ASPSCR1: variants seen among roughly 807,000 people sequenced by gnomAD.
ASPSCR1 encodes tether containing UBX domain for GLUT4.
ASPSCR1 carries 55 observed loss-of-function variants against 68.9 expected under a neutral mutation model. The ratio of observed to expected loss-of-function variants is 0.80; its 90% CI spans 0.64 to 1.00. The LOEUF is 1.00. Ranked by LOEUF, ASPSCR1 falls within the 50% of genes least tolerant of loss-of-function variation. The pLI is 0.00. For synonymous variants in ASPSCR1, 352 were observed against 332.6 expected, an observed-to-expected ratio of 1.06 and a Z score of -0.63; for missense variants, 765 against 762.2, an observed-to-expected ratio of 1.00 and a Z score of -0.04.
At chr17:81,978,090 C>T (rs779291808) in intron 1 of ASPSCR1, 3 of 171,702 alleles carry the variant, frequency 1.7e-5, no homozygotes, top group Non-Finnish European at 3.7e-5. Context: ...ACCCGCGTTC[C>T]CATTCCGGGG....
intron 7 of ASPSCR1, chr17:82,006,926 T>C (rs1185021193): frequency 6.6e-6 from 1 of 152,336 alleles, no homozygotes; most frequent in Non-Finnish European, 1.5e-5. Context: ...TGGCTCCCCC[T>C]TCCTGGCCCC....
In ASPSCR1 at chr17:81,990,719, C is replaced by T. The variant is rs1598399078; in HGVS notation, c.375-4102C>T. ...TCATGGCCTACGGGCCCTGGGGGTACACGGCCCTCCTGGAGGCACCCGGAG... is the reference window on the plus strand; with the variant it reads ...TCATGGCCTACGGGCCCTGGGGGTATACGGCCCTCCTGGAGGCACCCGGAG... On this transcript the variant is annotated intron_variant, in intron 4 of 15. Transcript: ENST00000306739. This position sits in a 1 kb window ranked among gnomAD's most constrained non-coding sequence, Gnocchi z 4.1. 2.0e-5 allele frequency among the ~76,000 whole-genome samples: 3 copies of T among 152,156 alleles called. No homozygotes were observed. In the South Asian group the frequency reaches 6.2e-4, roughly 31 times the overall value.
rs962356559 is a variant in ASPSCR1 at position 81,977,672 on chromosome 17, G to A, written c.26G>A (p.Gly9Asp). The A allele has an allele frequency of 1.4e-5, 20 of 1,398,368 alleles. No individual in the cohort carries two copies. In the African/African-American group the frequency reaches 3.0e-4, roughly 21 times the overall value. 86.6% of individuals were successfully genotyped at this position (1,398,368 alleles called of 1,614,324 possible). Residue 9 changes from glycine (G) to aspartate (D), a missense_variant, in exon 1 of 16, where the codon GGC becomes GAC. Coordinates refer to ENST00000306739, the MANE Select transcript of ASPSCR1 (RefSeq NM_024083.4). This position sits in a 1 kb window ranked among gnomAD's most constrained non-coding sequence, Gnocchi z 5.0. MAAPAGGG[G>D]SAVSVLAPNG... Reference sequence around the variant, plus strand: ...ATGGCGGCCCCGGCAGGCGGCGGAGGCTCCGCGGTGTCGGTGCTGGCCCCG... The same window carrying A: ...ATGGCGGCCCCGGCAGGCGGCGGAGACTCCGCGGTGTCGGTGCTGGCCCCG...
In ASPSCR1 at chr17:82,012,629, A is replaced by G. The variant is rs552953973; in HGVS notation, c.1353+346A>G. Among the ~76,000 whole-genome samples the G allele has an allele frequency of 1.6e-4, 25 of 152,296 alleles. No individual in the cohort carries two copies. The East Asian group carries it at 4.2e-3, about 26-fold the overall frequency. On this transcript the variant is annotated intron_variant, in intron 12 of 15. Coordinates refer to ENST00000306739, the MANE Select transcript of ASPSCR1 (RefSeq NM_024083.4). ...GGGTCTGGGTGAGGAAGGGCCCGGC[A>G]GGCCTCGGAGCAGGGCTCAGGGAGC...
chr17:81,989,355 G>C (rs2042090554), intron 4 of ASPSCR1, among the ~76,000 whole-genome samples: 1 of 152,228 alleles, frequency 6.6e-6, no homozygotes, highest in South Asian at 2.1e-4. Flanking sequence ...TGCCTGGTGG[G>C]CTCTCTGCTG....
intron 9 of ASPSCR1, among the ~76,000 whole-genome samples, chr17:82,010,528 CAAAAAAA>C (rs1193895939): frequency 1.7e-5 from 1 of 57,184 alleles, no homozygotes; most frequent in South Asian, 5.6e-4. Context: ...GACTCCATCT[CAAAAAAA>C]AAAAAAAAAA....
intron 4 of ASPSCR1, 131 bp from the exon 5 acceptor site, chr17:81,994,690 G>A (rs2042278242): frequency 1.1e-6 from 1 of 909,820 alleles, no homozygotes; most frequent in Non-Finnish European, 1.7e-6. Flanking sequence ...GCCTGGGCCT[G>A]GGACGCTGTC....
chr17:81,993,048 G>C (rs567391056), intron 4 of ASPSCR1, among the ~76,000 whole-genome samples: 1 of 152,118 alleles, frequency 6.6e-6, no homozygotes, highest in African/African-American at 2.4e-5. Context: ...GATTGAGGAC[G>C]TGAAAAATAA....
Position 82,009,325 on chromosome 17 carries a change from C to G in ASPSCR1, c.1088+134C>G, listed in dbSNP as rs943074619. 12 of 1,402,990 alleles carry G rather than the reference C, an allele frequency of 8.6e-6. No homozygotes were observed. In the Admixed American group the frequency reaches 2.9e-4, roughly 33 times the overall value. 86.9% of individuals were successfully genotyped at this position (1,402,990 alleles called of 1,614,324 possible). On this transcript the variant is annotated intron_variant, in intron 8 of 15. Coordinates refer to ENST00000306739, the MANE Select transcript of ASPSCR1 (RefSeq NM_024083.4). ...CCTGACAGGCTGCCCTTAACAGGAC[C>G]TCAGAGGGTTGGGGCCCAGGGAGGG...
chr17:82,003,627 T>C (rs953622409), intron 7 of ASPSCR1, among the ~76,000 whole-genome samples: 2 of 152,222 alleles, frequency 1.3e-5, no homozygotes, highest in Non-Finnish European at 2.9e-5. Flanking sequence ...AGGAGGGATG[T>C]TGTGCTGAGG....
At chr17:81,991,460 G>T (rs2042160289) in intron 4 of ASPSCR1, among the ~76,000 whole-genome samples, 2 of 152,186 alleles carry the variant, frequency 1.3e-5, no homozygotes, top group African/African-American at 2.4e-5. Context: ...TGAGGACAGG[G>T]CTCTGCCAGG....
At chr17:81,980,223 C>T (rs1010161642) in intron 2 of ASPSCR1, among the ~76,000 whole-genome samples, 3 of 152,206 alleles carry the variant, frequency 2.0e-5, no homozygotes, top group Non-Finnish European at 4.4e-5. Flanking sequence ...CCTTGTGATC[C>T]GCCTGCCTTG....
chr17:81,979,357 C>A lies in ASPSCR1; in HGVS notation c.158+118C>A, dbSNP rs2143984891. 4 of 1,169,836 alleles carry A rather than the reference C, an allele frequency of 3.4e-6. No individual in the cohort carries two copies. The South Asian group carries it at 5.1e-5, about 15-fold the overall frequency. 72.5% of individuals were successfully genotyped at this position (1,169,836 alleles called of 1,614,324 possible). On this transcript the variant is annotated intron_variant, in intron 2 of 15. Transcript: ENST00000306739. ...GGTTTTAAACAGTCATATATTCCCT[C>A]CCAACTCTGGAGACCCAAGGCCTTG...
At chr17:82,008,980 G>C (rs1012125617) in intron 7 of ASPSCR1, 57 bp from the exon 8 acceptor site, 1 of 1,433,516 alleles carries the variant, frequency 7.0e-7, no homozygotes, top group African/African-American at 1.5e-5. Flanking sequence ...CTGACAGCCC[G>C]GGGTGCGGAG....
intron 5 of ASPSCR1, 117 bp from the exon 6 acceptor site, chr17:81,995,875 A>G: frequency 1.1e-6 from 1 of 951,580 alleles, no homozygotes. Flanking sequence ...GGTGGGTAGG[A>G]TGGAGGCCAG....
intron 3 of ASPSCR1, 64 bp from the exon 4 acceptor site, chr17:81,985,443 T>C (rs769958810): frequency 6.5e-7 from 1 of 1,535,776 alleles, no homozygotes; most frequent in Non-Finnish European, 9.0e-7. Context: ...AGAATCAGTC[T>C]GGGATTTAGA....
Position 82,016,811 on chromosome 17 carries a change from G to C in ASPSCR1, c.1417G>C (p.Glu473Gln). 1 of 1,610,468 alleles carries C rather than the reference G, an allele frequency of 6.2e-7. No individual in the cohort carries two copies. Among genetic ancestry groups the C allele is most frequent in the Non-Finnish European group, 8.5e-7 (1 of 1,179,920 alleles). ...GAEEPAGVYL[E>Q]PGLLEHAISP... ...GGGCCTCCCTGCAGGTGTCTACCTG[G>C]AGCCTGGCCTGCTGGAGCATGCCAT... The change falls in exon 14 of 16, where the codon GAG (glutamate) becomes CAG (glutamine). Residue 473 changes from glutamate (E) to glutamine (Q), a missense_variant. Transcript: ENST00000306739.
At chr17:82,009,419 G>A in intron 8 of ASPSCR1, 67 bp from the exon 9 acceptor site, 2 of 1,483,520 alleles carry the variant, frequency 1.3e-6, no homozygotes, top group Non-Finnish European at 1.8e-6. Context: ...CAGGTGAGGA[G>A]CCCGGGGCCT....
chr17:82,009,135 C>A lies in ASPSCR1; in HGVS notation c.1032C>A (p.Phe344Leu). 6.2e-7 allele frequency: 1 copy of A among 1,609,014 alleles called. No individual in the cohort carries two copies. The highest frequency in any genetic ancestry group is 8.5e-7 in the Non-Finnish European group (1 of 1,178,184). Residue 344 changes from phenylalanine to leucine, a missense_variant, in exon 8 of 16, where the codon TTC becomes TTA. By Grantham distance (22) the Phe-to-Leu change is conservative. Transcript: ENST00000306739. The part of the protein sequence containing the change: ...QAWPAELPDE[F>L]FELTVDDVRR... ...GGCCAGCGGAGCTGCCTGATGAGTT[C>A]TTTGAGCTGACGGTGGACGACGTGA...
Sources: gnomAD v4.1 joint callset for allele counts (sites outside exome capture counted in the v4.1 genomes callset) on GRCh38, gnomAD v4.1.1 for gene constraint, Gnocchi (gnomAD v3.1) non-coding constraint, MANE v1.5 for transcripts, NCBI Gene and HGNC (gene_info 2026-07-23, HGNC 2026-07-21) for gene names.